The following NOS1AP variants were observed in gnomAD, a reference collection of about 807,000 sequenced individuals.
The protein encoded by NOS1AP is nitric oxide synthase 1 adaptor protein, also known as carboxyl-terminal PDZ ligand of neuronal nitric oxide synthase protein.
A neutral mutation model predicts 56.2 loss-of-function variants in NOS1AP; 21 were observed. That is an observed-to-expected ratio of 0.37 (90% CI 0.26 to 0.54). The LOEUF is 0.54. NOS1AP is among the 20% of genes least tolerant of loss of function. The pLI is 0.84. For synonymous variants in NOS1AP, 270 were observed against 274.6 expected, an observed-to-expected ratio of 0.98 and a Z score of 0.17; for missense variants, 522 against 657.8, an observed-to-expected ratio of 0.79 and a Z score of 2.26.
chr1:162,203,471 A>C (rs1350427546), intron 2 of NOS1AP, among the ~76,000 whole-genome samples: 1 of 152,196 alleles, frequency 6.6e-6, no homozygotes, highest in African/African-American at 2.4e-5. Flanking sequence ...AGCAATTTTC[A>C]AAAGGCGAGA....
intron 3 of NOS1AP, among the ~76,000 whole-genome samples, chr1:162,298,057 G>T (rs1224534793): frequency 6.6e-6 from 1 of 152,194 alleles, no homozygotes; most frequent in Non-Finnish European, 1.5e-5. Context: ...ACATAACAAG[G>T]CAGAAAACTG....
At chr1:162,130,042 C>T (rs1032993948) in intron 1 of NOS1AP, among the ~76,000 whole-genome samples, 4 of 152,162 alleles carry the variant, frequency 2.6e-5, no homozygotes, top group Non-Finnish European at 4.4e-5. Context: ...GCTAGACTTT[C>T]TATCTTTCTT....
chr1:162,119,616 A>G (rs1005739377), intron 1 of NOS1AP, among the ~76,000 whole-genome samples: 1 of 152,112 alleles, frequency 6.6e-6, no homozygotes, highest in Non-Finnish European at 1.5e-5. Context: ...AGTTTAAGAG[A>G]AGTATTAGGA....
At chr1:162,297,726 G>C (rs890440455) in intron 3 of NOS1AP, among the ~76,000 whole-genome samples, 3 of 152,168 alleles carry the variant, frequency 2.0e-5, no homozygotes, top group African/African-American at 7.2e-5. Context: ...AAACATGATA[G>C]ATATAGGAAC....
chr1:162,207,998 G>A (rs529233813), intron 2 of NOS1AP, among the ~76,000 whole-genome samples: 5 of 152,224 alleles, frequency 3.3e-5, no homozygotes, highest in African/African-American at 1.2e-4. Flanking sequence ...TAGGCACTGG[G>A]GAGTATCTGT....
At chr1:162,362,525 C>A (rs1292012046) in intron 8 of NOS1AP, among the ~76,000 whole-genome samples, 2 of 151,798 alleles carry the variant, frequency 1.3e-5, no homozygotes, top group Non-Finnish European at 2.9e-5. Flanking sequence ...GTGCAGAGAG[C>A]CCTCAATAAG....
intron 2 of NOS1AP, among the ~76,000 whole-genome samples, chr1:162,246,054 A>G (rs1653650035): frequency 6.6e-6 from 1 of 152,216 alleles, no homozygotes; most frequent in Non-Finnish European, 1.5e-5. Flanking sequence ...TTAGGGCTAC[A>G]ATTCTATCGA....
At chr1:162,192,462 C>T (rs1571115264) in intron 2 of NOS1AP, among the ~76,000 whole-genome samples, 1 of 152,148 alleles carries the variant, frequency 6.6e-6, no homozygotes, top group East Asian at 1.9e-4. Context: ...CAGGCCTGGT[C>T]ACTGGGGACA....
At chr1:162,202,498 C>T (rs899764895) in intron 2 of NOS1AP, among the ~76,000 whole-genome samples, 1 of 152,020 alleles carries the variant, frequency 6.6e-6, no homozygotes, top group Admixed American at 6.5e-5. Flanking sequence ...AGTAAACATA[C>T]ATTTTAATGG....
chr1:162,110,573 C>T (rs180912506), intron 1 of NOS1AP, among the ~76,000 whole-genome samples: 104 of 152,212 alleles, frequency 6.8e-4, no homozygotes, highest in Admixed American at 2.3e-3. Context: ...CTACCTCTTT[C>T]TTTTAGCAGA....
At chr1:162,075,394 G>C (rs1473066357) in intron 1 of NOS1AP, among the ~76,000 whole-genome samples, 1 of 152,216 alleles carries the variant, frequency 6.6e-6, no homozygotes, top group African/African-American at 2.4e-5. Context: ...TTCATTGGTT[G>C]ATGGTTTCCC....
chr1:162,189,425 A>T (rs919619725), intron 2 of NOS1AP, among the ~76,000 whole-genome samples: 1 of 152,234 alleles, frequency 6.6e-6, no homozygotes, highest in Non-Finnish European at 1.5e-5. Flanking sequence ...TGGTTTCCAT[A>T]ATTTGGATGG....
At chr1:162,203,707 T>C (rs1462646126) in intron 2 of NOS1AP, among the ~76,000 whole-genome samples, 1 of 152,178 alleles carries the variant, frequency 6.6e-6, no homozygotes, top group Non-Finnish European at 1.5e-5. Context: ...CAAGAAGTGA[T>C]AATGCATGTG....
intron 2 of NOS1AP, among the ~76,000 whole-genome samples, chr1:162,273,753 C>T (rs1048823626): frequency 6.6e-6 from 1 of 152,096 alleles, no homozygotes; most frequent in African/African-American, 2.4e-5. Context: ...TTCATGTAAC[C>T]TTCACCCCAA....
chr1:162,164,246 G>A (rs1047369500), intron 2 of NOS1AP, among the ~76,000 whole-genome samples: 38 of 152,026 alleles, frequency 2.5e-4, no homozygotes, highest in Non-Finnish European at 2.1e-4. Flanking sequence ...TCAGTTCCTC[G>A]CTACTACACT....
chr1:162,344,087 AT>A (rs1349618552), intron 6 of NOS1AP, 111 bp downstream of exon 6: 2 of 1,210,082 alleles, frequency 1.7e-6, no homozygotes, highest in East Asian at 5.1e-5. Flanking sequence ...GAAACATTTT[AT>A]TTTTTCCGTT....
chr1:162,277,109 T>TC (rs1195438073), intron 2 of NOS1AP, among the ~76,000 whole-genome samples: 1 of 152,146 alleles, frequency 6.6e-6, no homozygotes, highest in Non-Finnish European at 1.5e-5. Context: ...CCCTTGGCTC[T>TC]CCCCAGACCT....
chr1:162,211,822 C>T (rs2101647563), intron 2 of NOS1AP, among the ~76,000 whole-genome samples: 1 of 152,284 alleles, frequency 6.6e-6, no homozygotes, highest in South Asian at 2.1e-4. Flanking sequence ...GGTGTCCTGC[C>T]ATCGGAGGGA....
intron 2 of NOS1AP, among the ~76,000 whole-genome samples, chr1:162,251,815 G>A (rs1390410631): frequency 6.8e-6 from 1 of 147,638 alleles, no homozygotes; most frequent in Non-Finnish European, 1.5e-5. Flanking sequence ...AACCTCCCAC[G>A]TAGCTGGGAC....
Sources: allele counts gnomAD v4.1 joint callset (sites outside exome capture counted in the v4.1 genomes callset), GRCh38; gene constraint gnomAD v4.1.1; transcripts MANE v1.5; gene names NCBI Gene and HGNC (gene_info 2026-07-23, HGNC 2026-07-21).